CIB1: variants seen among roughly 807,000 people sequenced by gnomAD.
CIB1 encodes calcium and integrin binding 1.
A neutral mutation model predicts 25.0 loss-of-function variants in CIB1; 19 were observed. The ratio of observed to expected loss-of-function variants is 0.76; its 90% CI spans 0.53 to 1.12. CIB1 has a LOEUF of 1.12. Among genes scored for constraint, CIB1 ranks in the 50% most tolerant of loss-of-function variants. The pLI, the probability that CIB1 is intolerant of heterozygous loss-of-function variation, is 0.00. For synonymous variants in CIB1, 104 were observed against 98.5 expected (o/e 1.06, Z -0.33); for missense variants, 236 against 242.6 (o/e 0.97, Z 0.18).
At position 90,233,878 on chromosome 15, in the gene CIB1, C is replaced by A; in HGVS notation, c.8G>T (p.Gly3Val). ...CTCCTTGGACAGGCGACTGCCCGAG[C>A]CCCCCATCGCCCCGCCGCGCGCACA... MG[G>V]SGSRLSKELL... Residue 3 changes from glycine to valine, a missense_variant, in exon 1 of 7, where the codon GGC becomes GTC. Physicochemically the swap from Gly to Val is moderately radical, Grantham distance 109. Transcript: ENST00000328649. The A allele has an allele frequency of 6.8e-7, 1 of 1,473,768 alleles. No individual in the cohort carries two copies. Among genetic ancestry groups the A allele is most frequent in the Middle Eastern group, 2.5e-4 (1 of 4,046 alleles). The allele number at this position is 1,473,768 out of a possible 1,614,324, so 91.3% of individuals were successfully genotyped here.
chr15:90,264,875 GAAC>G, the CIB1 span: 1 of 1,536,046 alleles, frequency 6.5e-7, no homozygotes, highest in Non-Finnish European at 8.7e-7. Context: ...GGTAAACTCT[GAAC>G]ACAGAGCAGC....
In CIB1 at chr15:90,233,723, C is replaced by T. The variant is rs757353680; in HGVS notation, c.52-20G>A. Reference sequence around the variant, plus strand: ...CAAGTCCTGGAAGGCAAAGCCAGAGCGGGGATTAGCGGACCGCTGGGAGGC... The same window carrying T: ...CAAGTCCTGGAAGGCAAAGCCAGAGTGGGGATTAGCGGACCGCTGGGAGGC... On this transcript the variant is annotated intron_variant, in intron 1 of 6. Coordinates refer to ENST00000328649, the MANE Select transcript of CIB1 (RefSeq NM_006384.4). 21 of 1,564,968 alleles carry T rather than the reference C, an allele frequency of 1.3e-5. No individual in the cohort carries two copies. The highest frequency in any genetic ancestry group is 3.8e-5 in the Admixed American group (2 of 52,788).
the CIB1 span, chr15:90,263,275 G>A: frequency 1.5e-5 from 12 of 824,100 alleles, no homozygotes; most frequent in East Asian, 2.7e-5. Flanking sequence ...AGCAGAGTGC[G>A]CTAGCTGGAC....
the CIB1 span, among the ~76,000 whole-genome samples, chr15:90,251,927 T>C: frequency 4.0e-5 from 6 of 151,596 alleles, no homozygotes; most frequent in African/African-American, 1.5e-4. Flanking sequence ...CAGGCTGGAG[T>C]GCAGTATTGC....
At chr15:90,263,590 T>C in the CIB1 span, 1 of 575,132 alleles carries the variant, frequency 1.7e-6, no homozygotes, top group Admixed American at 3.0e-5. Flanking sequence ...AGCAAACCTG[T>C]TGGGTCTTCT....
chr15:90,248,718 CAAAAAAAAAAAAAAAAAA>C, the CIB1 span, among the ~76,000 whole-genome samples: 155 of 27,778 alleles, frequency 5.6e-3, 3 homozygotes, highest in East Asian at 0.049. Flanking sequence ...GACCCTGTCT[CAAAAAAAAAAAAAAAAAA>C]AAAAAAAAAA....
intron 6 of CIB1, 62 bp downstream of exon 6, chr15:90,230,872 G>T: frequency 1.4e-6 from 2 of 1,388,426 alleles, no homozygotes; most frequent in Non-Finnish European, 2.0e-6. Flanking sequence ...CCATGCCCTA[G>T]GCCCAGAGGC....
At chr15:90,255,964 A>G in the CIB1 span, 1 of 1,604,012 alleles carries the variant, frequency 6.2e-7, no homozygotes, top group East Asian at 2.2e-5. Flanking sequence ...CTTGTGACCT[A>G]GGAATGTCTC....
chr15:90,262,956 T>C, the CIB1 span: 3 of 1,535,022 alleles, frequency 2.0e-6, no homozygotes, highest in Non-Finnish European at 2.6e-6. Context: ...ATCTCTCATG[T>C]ACCTTGTAGC....
At chr15:90,239,573 A>G in the CIB1 span, among the ~76,000 whole-genome samples, 1 of 152,178 alleles carries the variant, frequency 6.6e-6, no homozygotes, top group African/African-American at 2.4e-5. Context: ...AGGAGAACTC[A>G]CTATCACGAG....
chr15:90,258,405 C>T, the CIB1 span: 1 of 777,726 alleles, frequency 1.3e-6, no homozygotes, highest in South Asian at 1.6e-5. Flanking sequence ...CAGGAATGAG[C>T]AGAAGGCATA....
At chr15:90,242,028 G>A in the CIB1 span, 1 of 1,613,360 alleles carries the variant, frequency 6.2e-7, no homozygotes, top group Admixed American at 1.7e-5. Context: ...AGACGTACAG[G>A]CAGCACTGGT....
the CIB1 span, chr15:90,262,340 TTAG>T: frequency 8.8e-7 from 1 of 1,137,676 alleles, no homozygotes; most frequent in Non-Finnish European, 1.2e-6. Context: ...TCTTTTCAGT[TTAG>T]TAGGTTTCCT....
In CIB1 at chr15:90,230,389, T is replaced by G; in HGVS notation, c.*95A>C. 3 of 1,447,720 alleles carry G rather than the reference T, an allele frequency of 2.1e-6. No individual in the cohort carries two copies. In the South Asian group the frequency reaches 3.7e-5, roughly 18 times the overall value. The allele number at this position is 1,447,720 out of a possible 1,614,324, so 89.7% of individuals were successfully genotyped here. ...AGCGCCAGCTCCAGGCTGGGCCAGC[T>G]TGGCCCGCACTGGCAACACAGGCTT... On this transcript the variant is annotated 3_prime_UTR_variant, in exon 7 of 7. Transcript: ENST00000328649.
the CIB1 span, chr15:90,242,610 A>C: frequency 6.6e-6 from 1 of 150,502 alleles, no homozygotes. Flanking sequence ...AAACCCGGCT[A>C]ATTTTTTTGT....
At chr15:90,262,646 A>G in the CIB1 span, 1 of 1,500,588 alleles carries the variant, frequency 6.7e-7, no homozygotes, top group Non-Finnish European at 8.8e-7. Flanking sequence ...CTTGGCTTAC[A>G]GGAACCGCAA....
At chr15:90,237,450 T>A (rs565335610), upstream of CIB1, among the ~76,000 whole-genome samples, 15 of 151,756 alleles carry the variant, frequency 9.9e-5, no homozygotes, top group East Asian at 2.9e-3. Context: ...CACGCCCAGC[T>A]AATTTTTGTA....
the CIB1 span, chr15:90,258,834 T>G: frequency 1.2e-6 from 2 of 1,614,110 alleles, no homozygotes; most frequent in Non-Finnish European, 1.7e-6. Flanking sequence ...CTTGTCAACC[T>G]CCGGGGCTGT....
chr15:90,262,035 C>T, the CIB1 span: 8 of 1,535,108 alleles, frequency 5.2e-6, no homozygotes, highest in African/African-American at 5.5e-5. Context: ...TCCCATGTGG[C>T]AATGCTGGAC....
Sources: gnomAD v4.1 joint callset for allele counts (sites outside exome capture counted in the v4.1 genomes callset) on GRCh38, gnomAD v4.1.1 for gene constraint, MANE v1.5 for transcripts, NCBI Gene and HGNC (gene_info 2026-07-23, HGNC 2026-07-21) for gene names.